Variants in SUPT5H observed in about 807,000 individuals in gnomAD.
SUPT5H encodes the protein transcription elongation factor SPT5.
In SUPT5H, 24 loss-of-function variants were observed where a neutral mutation model predicts 142.5. That is an observed-to-expected ratio of 0.17 (90% CI 0.12 to 0.24). The LOEUF is 0.24. SUPT5H is among the 10% of genes least tolerant of loss of function. The pLI is 1.00. For synonymous variants in SUPT5H, 546 were observed against 553.0 expected, an observed-to-expected ratio of 0.99 and a Z score of 0.18; for missense variants, 893 against 1,471.8, an observed-to-expected ratio of 0.61 and a Z score of 6.43.
intron 10 of SUPT5H, among the ~76,000 whole-genome samples, chr19:39,461,303 G>T (rs534536607): frequency 4.6e-5 from 7 of 151,470 alleles, no homozygotes; most frequent in Non-Finnish European, 1.0e-4. Flanking sequence ...GTGGGTAGGG[G>T]GTGGAATGTC....
intron 13 of SUPT5H, among the ~76,000 whole-genome samples, chr19:39,467,243 G>C (rs1375774654): frequency 6.6e-6 from 1 of 151,914 alleles, no homozygotes; most frequent in Non-Finnish European, 1.5e-5. Context: ...ATTAGCCAAG[G>C]GTTGTGGTCA....
At position 39,464,964 on chromosome 19, in the gene SUPT5H, T is replaced by C; in HGVS notation, c.791T>C (p.Leu264Pro). 6.2e-7 allele frequency: 1 copy of C among 1,614,192 alleles called. No individual in the cohort carries two copies. Among genetic ancestry groups the C allele is most frequent in the Non-Finnish European group, 8.5e-7 (1 of 1,180,038 alleles). Reference sequence around the variant, plus strand: ...CCCATCAAGGAGATGACAGACGTGCTCAAAGTGGTGAAGGAGGTGGCCAAC... The same window carrying C: ...CCCATCAAGGAGATGACAGACGTGCCCAAAGTGGTGAAGGAGGTGGCCAAC... ...MVPIKEMTDV[L>P]KVVKEVANLK... Residue 264 changes from leucine (L) to proline (P), a missense_variant, in exon 11 of 30, where the codon CTC (leucine) becomes CCC (proline). By Grantham distance (98) the Leu-to-Pro change is moderately conservative. Transcript: ENST00000432763.
At chr19:39,453,090 C>T (rs923956898) in intron 2 of SUPT5H, among the ~76,000 whole-genome samples, 7 of 151,392 alleles carry the variant, frequency 4.6e-5, no homozygotes, top group Non-Finnish European at 8.8e-5. Context: ...GTTAAAGACT[C>T]GGTGGAAAGT....
Position 39,476,586 on chromosome 19 carries a change from A to G in SUPT5H, c.*187A>G, listed in dbSNP as rs1600731038. 1 of 734,478 alleles carries G rather than the reference A, an allele frequency of 1.4e-6. No homozygotes were observed. The highest frequency in any genetic ancestry group is 2.2e-6 in the Non-Finnish European group (1 of 463,876). The allele number at this position is 734,478 out of a possible 1,614,324, so 45.5% of individuals were successfully genotyped here. ...TTGGAATCTGAGTAGAGTCTGGGGGAGGGTCCCCACCTTCCTGTACCTCCT... is the reference window on the plus strand; with the variant it reads ...TTGGAATCTGAGTAGAGTCTGGGGGGGGGTCCCCACCTTCCTGTACCTCCT... On this transcript the variant is annotated 3_prime_UTR_variant, in exon 30 of 30. Transcript: ENST00000432763.
intron 2 of SUPT5H, among the ~76,000 whole-genome samples, chr19:39,451,917 A>G (rs60760838): frequency 0.055 from 8,395 of 152,238 alleles, 730 homozygotes; most frequent in African/African-American, 0.19. Flanking sequence ...CGTGAAGTTC[A>G]TGAGTTAAAG....
In SUPT5H at chr19:39,446,097, T is replaced by C; in HGVS notation, c.75+132T>C. On this transcript the variant is annotated intron_variant, in intron 2 of 29. Coordinates refer to ENST00000432763, the MANE Select transcript of SUPT5H (RefSeq NM_001111020.3). ...GGAACTCCCAGATTGTCTCAAGAGA[T>C]AGAGAATTAGGCAAGTCGAAGTCAA... 5.9e-6 allele frequency: 6 copies of C among 1,021,984 alleles called. 1 individual carries two copies. The South Asian group carries it at 8.5e-5, about 14-fold the overall frequency. 63.3% of individuals were successfully genotyped at this position (1,021,984 alleles called of 1,614,324 possible).
rs769895447 is a variant in SUPT5H, at chr19:39,471,738, G to T, written c.1950+8G>T. ...CTGGCTGGGGGCTCAAAGGTGAGGT[G>T]GGCATGGCAGGACCCTGTGCGTTGG... On this transcript the variant is annotated splice_region_variant and intron_variant, in intron 20 of 29. Coordinates refer to ENST00000432763, the MANE Select transcript of SUPT5H (RefSeq NM_001111020.3). 1.9e-6 allele frequency: 3 copies of T among 1,612,528 alleles called. No individual in the cohort carries two copies. In the South Asian group the frequency reaches 3.3e-5, roughly 18 times the overall value.
At position 39,472,687 on chromosome 19, in the gene SUPT5H, G is replaced by A. The variant is rs1024275742; in HGVS notation, c.2036-123G>A. The A allele has an allele frequency of 2.1e-6, 3 of 1,456,096 alleles. No individual in the cohort carries two copies. The African/African-American group carries it at 4.2e-5, about 21-fold the overall frequency. 90.2% of individuals were successfully genotyped at this position (1,456,096 alleles called of 1,614,324 possible). On this transcript the variant is annotated intron_variant, in intron 21 of 29. Transcript: ENST00000432763. This position sits in a 1 kb window ranked among gnomAD's most constrained non-coding sequence, Gnocchi z 4.2. ...TTCCATAGGAAAGCCATGGGGCAGG[G>A]GTGGGCAGAGGAGGCTCTTAACCCA... is the stretch of plus-strand genomic sequence containing the variant.
In SUPT5H at chr19:39,474,022, A is replaced by G. The variant is rs1475947464; in HGVS notation, c.2552A>G (p.Tyr851Cys). Residue 851 changes from tyrosine (Y) to cysteine (C), a missense_variant, in exon 26 of 30, where the codon TAT becomes TGT. Transcript: ENST00000432763. The surrounding 1 kb of genome is among the most constrained non-coding windows in gnomAD (Gnocchi z 6.5). ...DDEPTPSPQA[Y>C]GGTPNPQTPG... ...GAGCCCACCCCGTCCCCGCAGGCCT[A>G]TGGGGGAACCCCCAATCCCCAAACA... 3.1e-6 allele frequency: 5 copies of G among 1,613,602 alleles called. No individual in the cohort carries two copies. Among genetic ancestry groups the G allele is most frequent in the African/African-American group, 1.3e-5 (1 of 74,996 alleles).
At chr19:39,453,219 T>G (rs1600697892) in intron 2 of SUPT5H, 137 bp from the exon 3 acceptor site, 13 of 980,982 alleles carry the variant, frequency 1.3e-5, no homozygotes, top group East Asian at 5.6e-5. Flanking sequence ...CAGGCTAGAG[T>G]GAAAGGGATA....
chr19:39,448,877 CGAGGTCAG>C (rs1568416835), intron 2 of SUPT5H, among the ~76,000 whole-genome samples: 1 of 151,444 alleles, frequency 6.6e-6, no homozygotes, highest in Non-Finnish European at 1.5e-5. Context: ...GGGTGGATCA[CGAGGTCAG>C]GAGATTGAGA....
chr19:39,472,711 C>A lies in SUPT5H; in HGVS notation c.2036-99C>A. 12 of 1,499,702 alleles carry A rather than the reference C, an allele frequency of 8.0e-6. No individual in the cohort carries two copies. In the South Asian group the frequency reaches 1.6e-4, roughly 20 times the overall value. The allele number at this position is 1,499,702 out of a possible 1,614,324, so 92.9% of individuals were successfully genotyped here. Reference sequence around the variant, plus strand: ...GGGTGGGCAGAGGAGGCTCTTAACCCAAGTAGGGAGGAGTCAAGCAAGTGA... The same window carrying A: ...GGGTGGGCAGAGGAGGCTCTTAACCAAAGTAGGGAGGAGTCAAGCAAGTGA... On this transcript the variant is annotated intron_variant, in intron 21 of 29. Transcript: ENST00000432763. The surrounding 1 kb of genome is among the most constrained non-coding windows in gnomAD (Gnocchi z 4.2).
In SUPT5H at chr19:39,470,060, C is replaced by A; in HGVS notation, c.1375-59C>A. 6.4e-7 allele frequency: 1 copy of A among 1,570,624 alleles called. No individual in the cohort carries two copies. The highest frequency in any genetic ancestry group is 1.1e-5 in the South Asian group (1 of 87,268). Reference sequence around the variant, plus strand: ...GCGTAGATTCTGAAGACAGGAGGGGCAGGCAGGTTGTGGTGGTCTCCCTTC... The same window carrying A: ...GCGTAGATTCTGAAGACAGGAGGGGAAGGCAGGTTGTGGTGGTCTCCCTTC... On this transcript the variant is annotated intron_variant, in intron 16 of 29. Transcript: ENST00000432763. The surrounding 1 kb of genome is among the most constrained non-coding windows in gnomAD (Gnocchi z 5.8).
rs2304215 is a variant in SUPT5H, at chr19:39,457,667, C to T, written c.242-8C>T. ...TTTGCCACTTACCACTTGGCCTTTC[C>T]GTTTTAGATGTTGACGATGAGTATG... On this transcript the variant is annotated splice_polypyrimidine_tract_variant and splice_region_variant and intron_variant, in intron 3 of 29. Transcript: ENST00000432763. The T allele has an allele frequency of 1.2e-3, 1,905 of 1,612,630 alleles. 27 individuals are homozygous for T. In the East Asian group the frequency reaches 0.029, roughly 25 times the overall value.
chr19:39,468,492 G>T, intron 13 of SUPT5H: 1 of 520,246 alleles, frequency 1.9e-6, no homozygotes, highest in Non-Finnish European at 3.5e-6. Flanking sequence ...ATGCTAGTTA[G>T]GGGGACAGGT....
intron 10 of SUPT5H, among the ~76,000 whole-genome samples, chr19:39,461,838 A>AAATAAT (rs1206908906): frequency 4.3e-4 from 59 of 138,444 alleles, no homozygotes; most frequent in East Asian, 1.0e-3. Flanking sequence ...AAAAAAAAAA[A>AAATAAT]AATAATAATA....
chr19:39,472,688 G>C lies in SUPT5H; in HGVS notation c.2036-122G>C. 5 of 1,457,922 alleles carry C rather than the reference G, an allele frequency of 3.4e-6. No homozygotes were observed. The highest frequency in any genetic ancestry group is 3.7e-6 in the Non-Finnish European group (4 of 1,092,360). 90.3% of individuals were successfully genotyped at this position (1,457,922 alleles called of 1,614,324 possible). ...TCCATAGGAAAGCCATGGGGCAGGGGTGGGCAGAGGAGGCTCTTAACCCAA... is the reference window on the plus strand; with the variant it reads ...TCCATAGGAAAGCCATGGGGCAGGGCTGGGCAGAGGAGGCTCTTAACCCAA... On this transcript the variant is annotated intron_variant, in intron 21 of 29. Coordinates refer to ENST00000432763, the MANE Select transcript of SUPT5H (RefSeq NM_001111020.3). The surrounding 1 kb of genome is among the most constrained non-coding windows in gnomAD (Gnocchi z 4.2).
chr19:39,474,261 T>C lies in SUPT5H; in HGVS notation c.2679T>C (p.Tyr893=). The C allele has an allele frequency of 1.2e-6, 2 of 1,614,064 alleles. No homozygotes were observed. Among genetic ancestry groups the C allele is most frequent in the Non-Finnish European group, 8.5e-7 (1 of 1,179,980 alleles). The change falls in exon 27 of 30, where the codon TAT becomes TAC. Residue 893 remains tyrosine, a synonymous_variant. Transcript: ENST00000432763. The surrounding 1 kb of genome is among the most constrained non-coding windows in gnomAD (Gnocchi z 6.5). ...ACAACACAGACCAGTTCTCTCCCTATGCTGCCCCCTCCCCACAAGGTTCCT... is the reference window on the plus strand; with the variant it reads ...ACAACACAGACCAGTTCTCTCCCTACGCTGCCCCCTCCCCACAAGGTTCCT... The part of the protein sequence containing the change: ...AMYNTDQFSP[Y]AAPSPQGSYQ...
intron 10 of SUPT5H, 169 bp downstream of exon 10, chr19:39,460,129 G>A: frequency 1.5e-6 from 1 of 654,992 alleles, no homozygotes; most frequent in Non-Finnish European, 2.7e-6. Flanking sequence ...GCTCTTCTCG[G>A]CCTAGATGGA....
Sources: allele counts gnomAD v4.1 joint callset (sites outside exome capture counted in the v4.1 genomes callset), GRCh38; gene constraint gnomAD v4.1.1; non-coding constraint Gnocchi (gnomAD v3.1); transcripts MANE v1.5; gene names NCBI Gene and HGNC (gene_info 2026-07-23, HGNC 2026-07-21).